PCDHGB3: variants seen among roughly 807,000 people sequenced by gnomAD.
PCDHGB3 encodes protocadherin gamma-B3.
Under a neutral mutation model 59.2 loss-of-function variants are expected in PCDHGB3, and 40 were observed. That is an observed-to-expected ratio of 0.68 (90% CI 0.52 to 0.88). The LOEUF (loss-of-function observed/expected upper bound fraction) is 0.88, where lower values mean the gene tolerates loss of function less well. PCDHGB3 is among the 40% of genes least tolerant of loss of function. The pLI, the probability that PCDHGB3 is intolerant of heterozygous loss-of-function variation, is 0.00. For missense variants in PCDHGB3, 1,309 were observed against 1,187.9 expected (o/e 1.10, Z -1.50); for synonymous variants, 581 against 503.6 (o/e 1.15, Z -2.06).
At chr5:141,467,131 C>A (rs1441537783) in intron 1 of PCDHGB3, among the ~76,000 whole-genome samples, 1 of 151,702 alleles carries the variant, frequency 6.6e-6, no homozygotes, top group African/African-American at 2.4e-5. Flanking sequence ...CAGCTCACTG[C>A]AACCTCTGCC....
At chr5:141,387,214 A>G (rs189405322) in intron 1 of PCDHGB3, among the ~76,000 whole-genome samples, 1 of 152,346 alleles carries the variant, frequency 6.6e-6, no homozygotes, top group African/African-American at 2.4e-5. Context: ...TACTCTCCGG[A>G]AAAAGTTGAA....
chr5:141,379,025 A>T (rs1320260929), intron 1 of PCDHGB3: 4 of 152,244 alleles, frequency 2.6e-5, no homozygotes, highest in African/African-American at 9.6e-5. Flanking sequence ...GAGTTGGAAG[A>T]TTCTACAATC....
intron 1 of PCDHGB3, among the ~76,000 whole-genome samples, chr5:141,450,006 C>CTATTTT (rs70988802): frequency 0.12 from 16,177 of 132,696 alleles, 1,810 homozygotes; most frequent in African/African-American, 0.21. Flanking sequence ...TGCCATGTCT[C>CTATTTT]TTTTTTTTTT....
chr5:141,432,173 GTC>G lies in PCDHGB3; in HGVS notation c.2415+59368_2415+59369del. 6.2e-7 allele frequency: 1 copy of G among 1,614,054 alleles called. No individual in the cohort carries two copies. Among genetic ancestry groups the G allele is most frequent in the Non-Finnish European group, 8.5e-7 (1 of 1,180,018 alleles). Reference sequence around the variant, plus strand: ...GAACAATCCCAGAGGAGTTTCCCTCGTCTCTGTGACCGCCCACGACCCCGACT... The same window carrying G: ...GAACAATCCCAGAGGAGTTTCCCTCGTCTGTGACCGCCCACGACCCCGACT... On this transcript the variant is annotated intron_variant, in intron 1 of 3. Coordinates refer to ENST00000576222, the MANE Select transcript of PCDHGB3 (RefSeq NM_018924.5). This position sits in a 1 kb window ranked among gnomAD's most constrained non-coding sequence, Gnocchi z 6.0.
In PCDHGB3 at chr5:141,489,198, C is replaced by G; in HGVS notation, c.2416-5609C>G. 1 of 1,392,402 alleles carries G rather than the reference C, an allele frequency of 7.2e-7. No individual in the cohort carries two copies. Among genetic ancestry groups the G allele is most frequent in the South Asian group, 1.4e-5 (1 of 71,348 alleles). The allele number at this position is 1,392,402 out of a possible 1,614,324, so 86.3% of individuals were successfully genotyped here. A position where few individuals can be genotyped will look rare whatever the true frequency, so the allele number is the denominator to read the frequency against. On this transcript the variant is annotated intron_variant, in intron 1 of 3. Coordinates refer to ENST00000576222, the MANE Select transcript of PCDHGB3 (RefSeq NM_018924.5). This position sits in a 1 kb window ranked among gnomAD's most constrained non-coding sequence, Gnocchi z 4.5. ...CCAAGCCCTGGGTCTACCTTGGAGA[C>G]AGGACAGCACAGACTTACTCTCCAC...
Position 141,487,333 on chromosome 5 carries a change from C to T in PCDHGB3, c.2416-7474C>T. 6.2e-7 allele frequency: 1 copy of T among 1,614,176 alleles called. No homozygotes were observed. The highest frequency in any genetic ancestry group is 8.5e-7 in the Non-Finnish European group (1 of 1,180,022). On this transcript the variant is annotated intron_variant, in intron 1 of 3. Transcript: ENST00000576222. The surrounding 1 kb of genome is among the most constrained non-coding windows in gnomAD (Gnocchi z 5.0). ...TCTCTAAGTGTCTTCGTGGGGCAGC[C>T]TGTGGAGTCACATGCTTTCCTGCTG...
intron 1 of PCDHGB3, chr5:141,419,864 C>A (rs1282571542): frequency 6.2e-7 from 1 of 1,613,966 alleles, no homozygotes; most frequent in Non-Finnish European, 8.5e-7. Context: ...AGATAGCTTG[C>A]AAGAGGTACT....
chr5:141,475,935 C>CCCGT, intron 1 of PCDHGB3: 1 of 669,050 alleles, frequency 1.5e-6, no homozygotes, highest in Middle Eastern at 4.2e-4. Flanking sequence ...CGGGCCCCTG[C>CCCGT]CCGTCCCCTT....
In PCDHGB3 at chr5:141,370,358, T is replaced by A. The variant is rs772671669; in HGVS notation, c.-37T>A. On this transcript the variant is annotated 5_prime_UTR_variant, in exon 1 of 4. Coordinates refer to ENST00000576222, the MANE Select transcript of PCDHGB3 (RefSeq NM_018924.5). The stretch of plus-strand genomic sequence containing the variant: ...CTTGGGATTATTTAAAGATCTCCTC[T>A]CCTCGGATTTAGAAAGGCAAAGGCG... 73 of 1,513,438 alleles carry A rather than the reference T, an allele frequency of 4.8e-5. No individual in the cohort carries two copies. The highest frequency in any genetic ancestry group is 6.2e-5 in the Non-Finnish European group (70 of 1,131,062). 93.8% of individuals were successfully genotyped at this position (1,513,438 alleles called of 1,614,324 possible). A position where few individuals can be genotyped will look rare whatever the true frequency, so the allele number is the denominator to read the frequency against.
intron 1 of PCDHGB3, among the ~76,000 whole-genome samples, chr5:141,455,125 A>G (rs952979433): frequency 3.5e-4 from 53 of 151,762 alleles, no homozygotes; most frequent in Non-Finnish European, 1.0e-4. Flanking sequence ...CTAATGTTTT[A>G]AATTACACTG....
In PCDHGB3 at chr5:141,485,632, G is replaced by A. The variant is rs1335265010; in HGVS notation, c.2416-9175G>A. On this transcript the variant is annotated intron_variant, in intron 1 of 3. Transcript: ENST00000576222. This position sits in a 1 kb window ranked among gnomAD's most constrained non-coding sequence, Gnocchi z 5.7. ...CAGCTCCTCCAGGACAGCGTTTCCCGTTGGAAAAGGCTCAGGATGCAGATG... is the reference window on the plus strand; with the variant it reads ...CAGCTCCTCCAGGACAGCGTTTCCCATTGGAAAAGGCTCAGGATGCAGATG... 1.2e-6 allele frequency: 2 copies of A among 1,611,766 alleles called. No homozygotes were observed. The highest frequency in any genetic ancestry group is 1.7e-6 in the Non-Finnish European group (2 of 1,178,342).
intron 1 of PCDHGB3, among the ~76,000 whole-genome samples, chr5:141,458,719 G>A (rs891521416): frequency 5.9e-5 from 9 of 151,684 alleles, no homozygotes; most frequent in Non-Finnish European, 1.2e-4. Context: ...ACAGGTATTC[G>A]CCACCACATC....
At chr5:141,384,149 T>G (rs1361199282) in intron 1 of PCDHGB3, 1 of 1,613,252 alleles carries the variant, frequency 6.2e-7, no homozygotes, top group Non-Finnish European at 8.5e-7. Flanking sequence ...ACACTCTCTT[T>G]GTATAACATC....
At chr5:141,372,835 C>G in intron 1 of PCDHGB3, 26 bp downstream of exon 1, 2 of 1,535,142 alleles carry the variant, frequency 1.3e-6, no homozygotes, top group Non-Finnish European at 1.8e-6. Flanking sequence ...CCTTTCCTTC[C>G]ATAAATATAA....
chr5:141,392,768 T>C lies in PCDHGB3; in HGVS notation c.2415+19959T>C, dbSNP rs754714050. The C allele has an allele frequency of 1.9e-5, 29 of 1,507,388 alleles. No homozygotes were observed. In the Middle Eastern group the frequency reaches 7.0e-4, roughly 37 times the overall value. 93.4% of individuals were successfully genotyped at this position (1,507,388 alleles called of 1,614,324 possible). On this transcript the variant is annotated intron_variant, in intron 1 of 3. Coordinates refer to ENST00000576222, the MANE Select transcript of PCDHGB3 (RefSeq NM_018924.5). ...GCGGCAAGAAACTAAATAAGACCCA[T>C]TTATGCACAGTGAAGATTCTGAGAG...
At chr5:141,385,294 G>C (rs1781091106) in intron 1 of PCDHGB3, 2 of 1,613,150 alleles carry the variant, frequency 1.2e-6, no homozygotes, top group Non-Finnish European at 1.7e-6. Context: ...AGATTTTCAG[G>C]AATGTAAAGA....
chr5:141,489,458 G>A lies in PCDHGB3; in HGVS notation c.2416-5349G>A, dbSNP rs143138320. 3.5e-5 allele frequency: 56 copies of A among 1,614,042 alleles called. No homozygotes were observed. The highest frequency in any genetic ancestry group is 8.0e-5 in the African/African-American group (6 of 75,052). ...CAATTGGGCTCTGAGGAGAATGGGC[G>A]CTATTTTTCCCTGAGCTTGATGAGT... is the stretch of plus-strand genomic sequence containing the variant. On this transcript the variant is annotated intron_variant, in intron 1 of 3. Transcript: ENST00000576222. This position sits in a 1 kb window ranked among gnomAD's most constrained non-coding sequence, Gnocchi z 4.5.
chr5:141,477,191 A>C lies in PCDHGB3; in HGVS notation c.2416-17616A>C. 1 of 1,614,210 alleles carries C rather than the reference A, an allele frequency of 6.2e-7. No individual in the cohort carries two copies. The highest frequency in any genetic ancestry group is 1.1e-5 in the South Asian group (1 of 91,086). ...GGAGATCACAGTCACCTCCGTGTAC[A>C]GCCCAGTACCCGAGGATGCCCCTCT... On this transcript the variant is annotated intron_variant, in intron 1 of 3. Coordinates refer to ENST00000576222, the MANE Select transcript of PCDHGB3 (RefSeq NM_018924.5). This position sits in a 1 kb window ranked among gnomAD's most constrained non-coding sequence, Gnocchi z 4.9.
intron 1 of PCDHGB3, chr5:141,375,215 C>T: frequency 1.2e-6 from 2 of 1,614,004 alleles, no homozygotes; most frequent in Non-Finnish European, 1.7e-6. Flanking sequence ...AGACTCTGGC[C>T]TGAATGGCCT....
Sources: allele counts gnomAD v4.1 joint callset (sites outside exome capture counted in the v4.1 genomes callset), GRCh38; gene constraint gnomAD v4.1.1; non-coding constraint Gnocchi (gnomAD v3.1); transcripts MANE v1.5; gene names NCBI Gene and HGNC (gene_info 2026-07-23, HGNC 2026-07-21).